The following GALNT15 variants were observed in gnomAD, a reference collection of about 807,000 sequenced individuals.
GALNT15 encodes polypeptide N-acetylgalactosaminyltransferase 15, also known as UDP-GalNAc transferase T15.
In GALNT15, 67 loss-of-function variants were observed where a neutral mutation model predicts 66.8. The observed-to-expected ratio is 1.00, with a 90% CI of 0.82 to 1.23. GALNT15 has a LOEUF of 1.23. Among genes scored for constraint, GALNT15 ranks in the 50% most tolerant of loss-of-function variants. GALNT15 has a pLI of 0.00. For synonymous variants in GALNT15, 313 were observed against 311.5 expected, an observed-to-expected ratio of 1.00 and a Z score of -0.05; for missense variants, 827 against 804.3, an observed-to-expected ratio of 1.03 and a Z score of -0.34.
chr3:16,201,681 G>T (rs536978771), intron 3 of GALNT15, among the ~76,000 whole-genome samples: 27 of 152,304 alleles, frequency 1.8e-4, no homozygotes, highest in African/African-American at 6.0e-4. Flanking sequence ...TGAAGTTGGA[G>T]AGGACTGCAT....
chr3:16,225,452 T>G lies in GALNT15; in HGVS notation c.1774-1902T>G, dbSNP rs985642335. On this transcript the variant is annotated intron_variant, in intron 9 of 9. Transcript: ENST00000339732. The surrounding 1 kb of genome is among the most constrained non-coding windows in gnomAD (Gnocchi z 4.4). ...TGGCTCACGCCTGTAATCCCAGCAC[T>G]TCGGGAGGCCGAGGCAGGTGGATCA... is the stretch of plus-strand genomic sequence containing the variant. Among the ~76,000 whole-genome samples the G allele has an allele frequency of 7.2e-5, 11 of 152,336 alleles. No homozygotes were observed. The highest frequency in any genetic ancestry group is 2.6e-4 in the African/African-American group (11 of 41,584).
At chr3:16,235,617 A>G (rs1027968472), downstream of GALNT15, among the ~76,000 whole-genome samples, 2 of 152,172 alleles carry the variant, frequency 1.3e-5, no homozygotes, top group Non-Finnish European at 2.9e-5. Flanking sequence ...CTTACCAGAG[A>G]AATTTTAGGA....
downstream of GALNT15, among the ~76,000 whole-genome samples, chr3:16,233,126 G>T (rs1426891420): frequency 3.1e-5 from 1 of 31,840 alleles, no homozygotes; most frequent in Admixed American, 3.4e-4. Context: ...AACGGAGTCT[G>T]GCTGTGTCAC....
chr3:16,226,881 G>A (rs983398191), intron 9 of GALNT15, among the ~76,000 whole-genome samples: 3 of 152,182 alleles, frequency 2.0e-5, no homozygotes, highest in Non-Finnish European at 4.4e-5. Context: ...AATAGCCATG[G>A]TCTTCTGAAC....
At position 16,182,684 on chromosome 3, in the gene GALNT15, C is replaced by T. The variant is rs1434184671; in HGVS notation, c.539+6994C>T. 6.6e-6 allele frequency: 1 copy of T among 152,192 alleles called. No homozygotes were observed. The highest frequency in any genetic ancestry group is 1.5e-5 in the Non-Finnish European group (1 of 68,060). 9.4% of individuals were successfully genotyped at this position (152,192 alleles called of 1,614,324 possible). On this transcript the variant is annotated intron_variant, in intron 1 of 9. Coordinates refer to ENST00000339732, the MANE Select transcript of GALNT15 (RefSeq NM_054110.5). This position sits in a 1 kb window ranked among gnomAD's most constrained non-coding sequence, Gnocchi z 6.1. ...CTCCTATTGTCTTGTCACTAACAAC[C>T]ACTGCCCTCTACTCTAACTGTGGTC...
rs949808976 is a variant in GALNT15, at chr3:16,219,498, G to A, written c.1488G>A (p.Leu496=). 1.2e-6 allele frequency: 2 copies of A among 1,614,080 alleles called. No homozygotes were observed. Among genetic ancestry groups the A allele is most frequent in the East Asian group, 2.2e-5 (1 of 44,898 alleles). Residue 496 remains leucine (L), a synonymous_variant, in exon 7 of 10, where the codon CTG becomes CTA. Transcript: ENST00000339732. This position sits in a 1 kb window ranked among gnomAD's most constrained non-coding sequence, Gnocchi z 4.3. ...TTCTGGCTAATGTCTACCCTGAGCT[G>A]TACCCATCTGAACCCAGGCCCAGTT... ...HWFLANVYPE[L]YPSEPRPSFS...
rs1030942590 is a variant in GALNT15, at chr3:16,184,967, C to G, written c.539+9277C>G. 2.0e-5 allele frequency among the ~76,000 whole-genome samples: 3 copies of G among 152,162 alleles called. No individual in the cohort carries two copies. Among genetic ancestry groups the G allele is most frequent in the African/African-American group, 7.2e-5 (3 of 41,428 alleles). On this transcript the variant is annotated intron_variant, in intron 1 of 9. Transcript: ENST00000339732. The surrounding 1 kb of genome is among the most constrained non-coding windows in gnomAD (Gnocchi z 5.0). ...TTCCAGCTCTTCAGGGATGCTCTGA[C>G]TGGGGAAATCACACTGGTCAGCCAG...
chr3:16,239,549 T>C, the GALNT15 span, among the ~76,000 whole-genome samples: 1 of 152,180 alleles, frequency 6.6e-6, no homozygotes, highest in Admixed American at 6.5e-5. This position sits in a 1 kb window ranked among gnomAD's most constrained non-coding sequence, Gnocchi z 5.2. Flanking sequence ...CAGCTCCGTG[T>C]ACTCAGTTTG....
In GALNT15 at chr3:16,189,067, A is replaced by G. The variant is rs1574972988; in HGVS notation, c.540-6693A>G. Among the ~76,000 whole-genome samples, 1 of 152,146 alleles carries G rather than the reference A, an allele frequency of 6.6e-6. No individual in the cohort carries two copies. Among genetic ancestry groups the G allele is most frequent in the East Asian group, 1.9e-4 (1 of 5,190 alleles). The stretch of plus-strand genomic sequence containing the variant: ...AGCTTTATCCTTCTGAAGGGAAGTC[A>G]TCCTGCATTTTAACAACAACAACAA... On this transcript the variant is annotated intron_variant, in intron 1 of 9. Coordinates refer to ENST00000339732, the MANE Select transcript of GALNT15 (RefSeq NM_054110.5). This position sits in a 1 kb window ranked among gnomAD's most constrained non-coding sequence, Gnocchi z 5.1.
the GALNT15 span, among the ~76,000 whole-genome samples, chr3:16,244,916 C>T: frequency 2.0e-5 from 3 of 152,150 alleles, no homozygotes; most frequent in East Asian, 3.8e-4. Context: ...CTCTGCTTTC[C>T]GCCACTGCTG....
At position 16,229,010 on chromosome 3, in the gene GALNT15, G is replaced by T. The variant is rs769466813; in HGVS notation, c.*1510G>T. 125 of 985,286 alleles carry T rather than the reference G, an allele frequency of 1.3e-4. No homozygotes were observed. The highest frequency in any genetic ancestry group is 1.5e-4 in the Non-Finnish European group (125 of 829,940). 61.0% of individuals were successfully genotyped at this position (985,286 alleles called of 1,614,324 possible). On this transcript the variant is annotated 3_prime_UTR_variant, in exon 10 of 10. Transcript: ENST00000339732. ...AGAGTTGCCGAATGGGATGGGTTCT[G>T]CTATTTAATAAACAGCATTCATATT...
chr3:16,235,341 T>C (rs986312287), downstream of GALNT15, among the ~76,000 whole-genome samples: 9 of 152,330 alleles, frequency 5.9e-5, no homozygotes, highest in African/African-American at 2.2e-4. Context: ...TGAAGAAACC[T>C]GAAGCCTGAT....
the GALNT15 span, among the ~76,000 whole-genome samples, chr3:16,242,117 C>T: frequency 2.0e-5 from 3 of 152,218 alleles, no homozygotes; most frequent in Admixed American, 6.5e-5. This position sits in a 1 kb window ranked among gnomAD's most constrained non-coding sequence, Gnocchi z 5.6. Context: ...TTCTGCCAGT[C>T]TTCTTAAAGG....
intron 1 of GALNT15, among the ~76,000 whole-genome samples, chr3:16,178,100 G>A (rs1475583669): frequency 6.6e-6 from 1 of 152,170 alleles, no homozygotes; most frequent in Non-Finnish European, 1.5e-5. Context: ...GTACATGTGT[G>A]CGTATGTATT....
At position 16,203,543 on chromosome 3, in the gene GALNT15, T is replaced by TCTCACACACACACACA. The variant is rs1491187404; in HGVS notation, c.911+2721_911+2722insTCACACACACACACAC. Among the ~76,000 whole-genome samples the TCTCACACACACACACA allele has an allele frequency of 4.9e-5, 3 of 61,104 alleles. No homozygotes were observed. The highest frequency in any genetic ancestry group is 1.6e-4 in the African/African-American group (3 of 18,250). The allele number at this position is 61,104 out of a possible 152,430, so 40.1% of individuals were successfully genotyped here. A position where few individuals can be genotyped will look rare whatever the true frequency, so the allele number is the denominator to read the frequency against. On this transcript the variant is annotated intron_variant, in intron 3 of 9. Transcript: ENST00000339732. This position sits in a 1 kb window ranked among gnomAD's most constrained non-coding sequence, Gnocchi z 6.2. ...CATTCTCTCTCTCTCTCTCTCTCTC[T>TCTCACACACACACACA]CACACACACACACACACACACACAC...
At chr3:16,218,202 C>G (rs572172189) in intron 6 of GALNT15, among the ~76,000 whole-genome samples, 63 of 152,308 alleles carry the variant, frequency 4.1e-4, no homozygotes, top group Non-Finnish European at 7.8e-4. Flanking sequence ...ACATTTCCAG[C>G]TGAGGTCTAA....
chr3:16,179,454 G>C (rs907473301), intron 1 of GALNT15, among the ~76,000 whole-genome samples: 4 of 152,198 alleles, frequency 2.6e-5, no homozygotes, highest in African/African-American at 4.8e-5. Context: ...GGTCCATGGG[G>C]AGACAGTTGC....
intron 3 of GALNT15, among the ~76,000 whole-genome samples, chr3:16,206,798 C>G (rs1252980094): frequency 6.6e-6 from 1 of 151,700 alleles, no homozygotes; most frequent in Non-Finnish European, 1.5e-5. Flanking sequence ...GAAGGTGGCA[C>G]AAATTTCATG....
chr3:16,236,001 A>T (rs1039099976), downstream of GALNT15, among the ~76,000 whole-genome samples: 13 of 149,696 alleles, frequency 8.7e-5, no homozygotes, highest in South Asian at 4.3e-4. Flanking sequence ...TCTACTCGGG[A>T]GGCTGAGGCA....
Sources: allele counts gnomAD v4.1 joint callset (sites outside exome capture counted in the v4.1 genomes callset), GRCh38; gene constraint gnomAD v4.1.1; non-coding constraint Gnocchi (gnomAD v3.1); transcripts MANE v1.5; gene names NCBI Gene and HGNC (gene_info 2026-07-23, HGNC 2026-07-21).